C9orf43: variants seen among roughly 807,000 people sequenced by gnomAD.
C9orf43 encodes the protein uncharacterized protein C9orf43.
Under a neutral mutation model 59.1 loss-of-function variants are expected in C9orf43, and 45 were observed. That is an observed-to-expected ratio of 0.76 (90% CI 0.60 to 0.98). The LOEUF (loss-of-function observed/expected upper bound fraction) is 0.98. Among genes scored for constraint, C9orf43 ranks in the 50% least tolerant of loss-of-function variants. C9orf43 has a pLI of 0.00. For synonymous variants in C9orf43, 203 were observed against 196.8 expected (o/e 1.03, Z -0.26); for missense variants, 533 against 554.9 (o/e 0.96, Z 0.40).
chr9:113,421,029 G>T, intron 4 of C9orf43, 74 bp from the exon 5 acceptor site: 1 of 1,197,500 alleles, frequency 8.4e-7, no homozygotes, highest in Non-Finnish European at 1.2e-6. Context: ...CAGACTCTTT[G>T]CTTAGCATAT....
intron 3 of C9orf43, among the ~76,000 whole-genome samples, chr9:113,415,285 A>G (rs867471911): frequency 1.3e-5 from 2 of 151,984 alleles, no homozygotes; most frequent in African/African-American, 4.8e-5. Context: ...CTGGGACCAC[A>G]GGCACGCGCC....
At chr9:113,427,668 C>G (rs7048305) in intron 11 of C9orf43, among the ~76,000 whole-genome samples, 13,846 of 152,120 alleles carry the variant, frequency 0.091, 714 homozygotes, top group Non-Finnish European at 0.098. Context: ...TAGCATAATA[C>G]CTCTGGTGGC....
At position 113,425,011 on chromosome 9, in the gene C9orf43, T is replaced by G. The variant is rs1483373954; in HGVS notation, c.808-8T>G. 6.2e-7 allele frequency: 1 copy of G among 1,609,230 alleles called. No homozygotes were observed. The highest frequency in any genetic ancestry group is 1.7e-5 in the Admixed American group (1 of 59,914). ...TAGAGCTTTTCTTTTTCTTTTTTCT[T>G]TCTCCAGAGACCAGCACTGCGATAT... On this transcript the variant is annotated splice_region_variant and splice_polypyrimidine_tract_variant and intron_variant, in intron 8 of 13. Transcript: ENST00000374165.
chr9:113,429,065 C>T, intron 13 of C9orf43, 102 bp downstream of exon 13: 1 of 1,484,024 alleles, frequency 6.7e-7, no homozygotes, highest in Non-Finnish European at 9.4e-7. Flanking sequence ...CACAGTTCCT[C>T]TATCTCAGAG....
intron 1 of C9orf43, among the ~76,000 whole-genome samples, chr9:113,411,955 A>G (rs1224486056): frequency 4.6e-5 from 7 of 152,330 alleles, no homozygotes; most frequent in South Asian, 2.1e-4. Context: ...GATTACAGGC[A>G]TGAGCCACGG....
rs76117170 is a variant in C9orf43, at chr9:113,423,742, C to G, written c.656+244C>G. ...ACATGTACTTTCATTTAAATTTGCA[C>G]TAGGAGGTAGGCACTATCACTGTCT... is the stretch of plus-strand genomic sequence containing the variant. On this transcript the variant is annotated intron_variant, in intron 7 of 13. Coordinates refer to ENST00000374165, the MANE Select transcript of C9orf43 (RefSeq NM_001278629.2). 8.3e-4 allele frequency among the ~76,000 whole-genome samples: 126 copies of G among 152,296 alleles called. 1 individual carries two copies. The East Asian group carries it at 0.023, about 28-fold the overall frequency.
chr9:113,425,588 A>G (rs1828758376), intron 10 of C9orf43, 55 bp from the exon 11 acceptor site: 4 of 1,576,186 alleles, frequency 2.5e-6, no homozygotes, highest in Non-Finnish European at 3.5e-6. Flanking sequence ...CCTTTTGAAA[A>G]AAGTTTTCTT....
At chr9:113,417,325 A>T (rs1828402127) in intron 3 of C9orf43, among the ~76,000 whole-genome samples, 1 of 152,162 alleles carries the variant, frequency 6.6e-6, no homozygotes, top group Admixed American at 6.5e-5. Flanking sequence ...ATGCTTATTG[A>T]TATTTTTATG....
Position 113,413,549 on chromosome 9 carries a change from G to C in C9orf43, c.56G>C (p.Cys19Ser). 1 of 1,614,162 alleles carries C rather than the reference G, an allele frequency of 6.2e-7. No homozygotes were observed. Among genetic ancestry groups the C allele is most frequent in the Non-Finnish European group, 8.5e-7 (1 of 1,180,014 alleles). Residue 19 changes from cysteine to serine, a missense_variant, in exon 2 of 14, where the codon TGT (cysteine) becomes TCT (serine). Physicochemically the swap from Cys to Ser is moderately radical, Grantham distance 112. Coordinates refer to ENST00000374165, the MANE Select transcript of C9orf43 (RefSeq NM_001278629.2). Reference sequence around the variant, plus strand: ...GAAACCACCTGTGGCTTGGCTGTTTGTCAGCACCCACAATGCTGGGCAACT... The same window carrying C: ...GAAACCACCTGTGGCTTGGCTGTTTCTCAGCACCCACAATGCTGGGCAACT... ...WDETTCGLAV[C>S]QHPQCWATIR...
intron 9 of C9orf43, 58 bp from the exon 10 acceptor site, chr9:113,425,286 T>C: frequency 6.2e-7 from 1 of 1,608,156 alleles, no homozygotes; most frequent in Non-Finnish European, 8.5e-7. Flanking sequence ...ACAGCAGGCA[T>C]TCCAGTGGGA....
In C9orf43 at chr9:113,413,540, TG is replaced by T; in HGVS notation, c.49del (p.Ala17LeufsTer43). ...CAGTGGGACGAAACCACCTGTGGCTTGGCTGTTTGTCAGCACCCACAATGCT... is the reference window on the plus strand; with the variant it reads ...CAGTGGGACGAAACCACCTGTGGCTTGCTGTTTGTCAGCACCCACAATGCT... The part of the protein sequence containing the change: ...ESQWDETTCG[L>X]AVCQHPQCWA... On this transcript the variant is annotated frameshift_variant, in exon 2 of 14. Transcript: ENST00000374165. LOFTEE classifies it high-confidence loss of function. The T allele has an allele frequency of 6.2e-7, 1 of 1,614,182 alleles. No individual in the cohort carries two copies. Among genetic ancestry groups the T allele is most frequent in the Non-Finnish European group, 8.5e-7 (1 of 1,179,998 alleles).
chr9:113,420,436 T>C (rs1036914134), intron 4 of C9orf43, among the ~76,000 whole-genome samples: 3 of 152,216 alleles, frequency 2.0e-5, no homozygotes, highest in African/African-American at 7.2e-5. Flanking sequence ...ACATGATTTT[T>C]AAATTCAAAA....
At chr9:113,411,845 T>G (rs1279376923) in intron 1 of C9orf43, among the ~76,000 whole-genome samples, 1 of 151,862 alleles carries the variant, frequency 6.6e-6, no homozygotes, top group Non-Finnish European at 1.5e-5. Flanking sequence ...CCCAGCTAAT[T>G]TTTTGTATTT....
At chr9:113,427,301 C>T (rs951901498) in intron 11 of C9orf43, among the ~76,000 whole-genome samples, 8 of 152,066 alleles carry the variant, frequency 5.3e-5, no homozygotes, top group Admixed American at 3.9e-4. Context: ...TTAGCCTCCC[C>T]GGTAGCTGGG....
chr9:113,420,792 A>G (rs1473915939), intron 4 of C9orf43: 1 of 985,210 alleles, frequency 1.0e-6, no homozygotes, highest in Admixed American at 6.2e-5. Flanking sequence ...TGGGCAGGAT[A>G]AGTAATGTTC....
chr9:113,416,536 T>C, intron 3 of C9orf43, among the ~76,000 whole-genome samples: 1 of 152,218 alleles, frequency 6.6e-6, no homozygotes, highest in East Asian at 1.9e-4. Context: ...GCCTTCCTAC[T>C]GGACCTCATC....
chr9:113,411,224 GTATT>G, intron 1 of C9orf43: 1 of 570,398 alleles, frequency 1.8e-6, no homozygotes, highest in Non-Finnish European at 2.2e-6. Flanking sequence ...TGTTAAAATT[GTATT>G]TATTTTTCAG....
At position 113,423,428 on chromosome 9, in the gene C9orf43, G is replaced by C; in HGVS notation, c.586G>C (p.Glu196Gln). The change falls in exon 7 of 14, where the codon GAA becomes CAA. Residue 196 changes from glutamate (E) to glutamine (Q), a missense_variant. Glu to Gln is a conservative substitution (Grantham distance 29). Coordinates refer to ENST00000374165, the MANE Select transcript of C9orf43 (RefSeq NM_001278629.2). ...VPPPTPVQLS[E>Q]QFSSDFLPLW... The stretch of plus-strand genomic sequence containing the variant: ...TCCCCCAACCCCAGTGCAATTGTCT[G>C]AACAATTCAGTTCAGATTTCCTACC... The C allele has an allele frequency of 6.2e-7, 1 of 1,614,094 alleles. No individual in the cohort carries two copies.
Position 113,425,223 on chromosome 9 carries a change from AG to A in C9orf43, c.866-120del. The A allele has an allele frequency of 2.0e-6, 3 of 1,497,508 alleles. No individual in the cohort carries two copies. In the South Asian group the frequency reaches 3.5e-5, roughly 18 times the overall value. 92.8% of individuals were successfully genotyped at this position (1,497,508 alleles called of 1,614,324 possible). On this transcript the variant is annotated intron_variant, in intron 9 of 13. Transcript: ENST00000374165. ...AACTCAGGAAACAATAGTTTCAGGA[AG>A]CAGCCCCTCTGGCTTGGTCCTTACC... is the stretch of plus-strand genomic sequence containing the variant.
Sources: gnomAD v4.1 joint callset for allele counts (sites outside exome capture counted in the v4.1 genomes callset) on GRCh38, gnomAD v4.1.1 for gene constraint, MANE v1.5 for transcripts, NCBI Gene and HGNC (gene_info 2026-07-23, HGNC 2026-07-21) for gene names.